The following ABCC11 variants were observed in gnomAD, a reference collection of about 807,000 sequenced individuals.
ABCC11 encodes ATP binding cassette subfamily C member 11.
Under a neutral mutation model 149.3 loss-of-function variants are expected in ABCC11, and 135 were observed. The observed-to-expected ratio is 0.90, with a 90% CI of 0.79 to 1.04. The LOEUF (loss-of-function observed/expected upper bound fraction) is 1.04, where lower values mean the gene tolerates loss of function less well. Ranked by LOEUF, ABCC11 falls within the 50% of genes least tolerant of loss-of-function variation. The pLI is 0.00. For missense variants in ABCC11, 1,680 were observed against 1,722.1 expected (o/e 0.98, Z 0.43); for synonymous variants, 665 against 671.4 (o/e 0.99, Z 0.15).
chr16:48,203,344 C>T lies in ABCC11; in HGVS notation c.1806-44G>A, dbSNP rs371819919. On this transcript the variant is annotated intron_variant, in intron 13 of 29. Coordinates refer to ENST00000356608, the MANE Select transcript of ABCC11 (RefSeq NM_001370497.1). ...CATAAGGCACAGGGGACCAGCCCTC[C>T]CGCCCATCACCCTTCCCAGTGTCGA... The T allele has an allele frequency of 3.4e-6, 5 of 1,486,844 alleles. No homozygotes were observed. In the African/African-American group the frequency reaches 5.6e-5, roughly 17 times the overall value. The allele number at this position is 1,486,844 out of a possible 1,614,324, so 92.1% of individuals were successfully genotyped here.
intron 2 of ABCC11, among the ~76,000 whole-genome samples, chr16:48,231,364 A>G (rs1970404800): frequency 6.6e-6 from 1 of 152,034 alleles, no homozygotes; most frequent in South Asian, 2.1e-4. Context: ...CCTGAGGTCT[A>G]TTTGAAAAAA....
rs1397053132 is a variant in ABCC11 at position 48,175,264 on chromosome 16, G to A, written c.3692C>T (p.Thr1231Ile). 1 of 1,610,474 alleles carries A rather than the reference G, an allele frequency of 6.2e-7. No individual in the cohort carries two copies. The highest frequency in any genetic ancestry group is 1.7e-5 in the Admixed American group (1 of 59,938). The change falls in exon 26 of 30, where the codon ACC (threonine) becomes ATC (isoleucine). Residue 1231 changes from threonine (T) to isoleucine (I), a missense_variant. Physicochemically the swap from Thr to Ile is moderately conservative, Grantham distance 89. Transcript: ENST00000356608. ...CTGCTGGCCCGGCACTCACCTGATG[G>A]TTCCTGAGAGCAGCACTGGATCTTG... is the stretch of plus-strand genomic sequence containing the variant. Reference protein sequence around the residue: ...IPQDPVLLSGTIRFNLDPFDR... With the variant: ...IPQDPVLLSGIIRFNLDPFDR...
intron 11 of ABCC11, 47 bp downstream of exon 11, chr16:48,210,901 C>T (rs745587228): frequency 3.3e-5 from 53 of 1,598,988 alleles, no homozygotes; most frequent in Non-Finnish European, 4.4e-5. Context: ...GCCTCAGGTC[C>T]TGAGAGCCTG....
rs200540970 is a variant in ABCC11 at position 48,167,313 on chromosome 16, G to A, written c.4110C>T (p.Phe1370=). The A allele has an allele frequency of 1.4e-4, 132 of 942,254 alleles. 1 individual carries two copies. The East Asian group carries it at 2.8e-3, about 20-fold the overall frequency. The allele number at this position is 942,254 out of a possible 1,614,324, so 58.4% of individuals were successfully genotyped here. A position where few individuals can be genotyped will look rare whatever the true frequency, so the allele number is the denominator to read the frequency against. The change falls in exon 30 of 30, where the codon TTC becomes TTT. Residue 1370 remains phenylalanine (F), a synonymous_variant. Transcript: ENST00000356608. ...EVLRKKPGSL[F]AALMATATSS... ...AAGTGGCTGTGGCCATGAGGGCTGC[G>A]AACAATGACCCAGGCTTCTTCCGCA...
chr16:48,231,880 A>C lies in ABCC11; in HGVS notation c.42T>G (p.Gly14=), dbSNP rs1443885521. ...KRTYWVPNSS[G]GLVNRGIDIG... ...TGTCGATGCCACGATTCACGAGGCC[A>C]CCAGAAGAGTTGGGCACCCAGTATG... Residue 14 remains glycine, a synonymous_variant, in exon 2 of 30, where the codon GGT becomes GGG. Transcript: ENST00000356608. The C allele has an allele frequency of 6.2e-7, 1 of 1,614,186 alleles. No homozygotes were observed. The highest frequency in any genetic ancestry group is 1.7e-5 in the Admixed American group (1 of 60,024).
At chr16:48,213,965 C>A (rs1969126850) in intron 9 of ABCC11, among the ~76,000 whole-genome samples, 1 of 152,132 alleles carries the variant, frequency 6.6e-6, no homozygotes, top group African/African-American at 2.4e-5. Flanking sequence ...TTCTTCTTTG[C>A]CTTAGATGTT....
Position 48,194,734 on chromosome 16 carries a change from C to A in ABCC11, c.2405-752G>T, listed in dbSNP as rs145657461. On this transcript the variant is annotated intron_variant, in intron 18 of 29. Coordinates refer to ENST00000356608, the MANE Select transcript of ABCC11 (RefSeq NM_001370497.1). ...ATTTATCCCCTCCAGGGATGGAGGA[C>A]ACAGCGTTCAAGGCGCCATCTTGGA... 9.2e-5 allele frequency among the ~76,000 whole-genome samples: 14 copies of A among 152,304 alleles called. No individual in the cohort carries two copies. The East Asian group carries it at 2.5e-3, about 27-fold the overall frequency.
rs931210935 is a variant in ABCC11 at position 48,196,158 on chromosome 16, G to C, written c.2404+74C>G. ...ACCTCTCTACTTCACATGACCTCAC[G>C]TGTTCCAATCTGACCCAGTTCCAGG... On this transcript the variant is annotated intron_variant, in intron 18 of 29. Transcript: ENST00000356608. 2.7e-6 allele frequency: 4 copies of C among 1,481,374 alleles called. No homozygotes were observed. The African/African-American group carries it at 5.6e-5, about 21-fold the overall frequency. The allele number at this position is 1,481,374 out of a possible 1,614,324, so 91.8% of individuals were successfully genotyped here.
rs766504392 is a variant in ABCC11 at position 48,208,404 on chromosome 16, A to C, written c.1680+21T>G. 3.1e-6 allele frequency: 5 copies of C among 1,613,966 alleles called. No homozygotes were observed. In the East Asian group the frequency reaches 8.9e-5, roughly 29 times the overall value. The stretch of plus-strand genomic sequence containing the variant: ...CTGGACTGCCTGCAGACAGGCAAGC[A>C]TGTGGCCACAGATCACTTACCTCCT... On this transcript the variant is annotated intron_variant, in intron 12 of 29. Transcript: ENST00000356608.
At chr16:48,198,454 C>G (rs1200730382) in intron 15 of ABCC11, among the ~76,000 whole-genome samples, 179 bp from the exon 16 acceptor site, 1 of 152,188 alleles carries the variant, frequency 6.6e-6, no homozygotes, top group African/African-American at 2.4e-5. Context: ...GCAAAAGGAA[C>G]TCTCCTTAAC....
chr16:48,205,491 T>C lies in ABCC11; in HGVS notation c.1727A>G (p.Tyr576Cys), dbSNP rs1434518730. ...GACGATCCAGGCCTGCTGGGGGACA[T>C]AGGCCAGGCTTCCCTGCACCCCCAC... ...GSVGVQGSLA[Y>C]VPQQAWIVSG... Residue 576 changes from tyrosine to cysteine, a missense_variant, in exon 13 of 30, where the codon TAT (tyrosine) becomes TGT (cysteine). Physicochemically the swap from Tyr to Cys is radical, Grantham distance 194. Coordinates refer to ENST00000356608, the MANE Select transcript of ABCC11 (RefSeq NM_001370497.1). 10 of 1,614,106 alleles carry C rather than the reference T, an allele frequency of 6.2e-6. 1 individual carries two copies. The Admixed American group carries it at 8.3e-5, about 13-fold the overall frequency.
At chr16:48,186,228 C>T (rs1330763630) in intron 22 of ABCC11, among the ~76,000 whole-genome samples, 1 of 152,162 alleles carries the variant, frequency 6.6e-6, no homozygotes, top group Non-Finnish European at 1.5e-5. Context: ...CAAGTCTTAC[C>T]CAGGCTTCAA....
At position 48,238,934 on chromosome 16, in the gene ABCC11, T is replaced by TAA. The variant is rs3048246; in HGVS notation, c.-18-6997_-18-6996dup. ...CCTGGGCGACAGAGGAGACTCTGTC[T>TAA]AAAAAAAAAAAAAAAAAAAAAAAAA... On this transcript the variant is annotated intron_variant, in intron 1 of 29. Transcript: ENST00000356608. 4.1e-3 allele frequency among the ~76,000 whole-genome samples: 167 copies of TAA among 40,296 alleles called. 3 individuals carry two copies. Among genetic ancestry groups the TAA allele is most frequent in the African/African-American group, 9.5e-3 (77 of 8,124 alleles). 26.4% of individuals were successfully genotyped at this position (40,296 alleles called of 152,430 possible).
At position 48,198,249 on chromosome 16, in the gene ABCC11, A is replaced by C. The variant is rs868018294; in HGVS notation, c.2109T>G (p.Ile703Met). The change falls in exon 16 of 30, where the codon ATT becomes ATG. Residue 703 changes from isoleucine (I) to methionine (M), a missense_variant. Transcript: ENST00000356608. ...LQYLEFCGQI[I>M]LLENGKICEN... ...CACAGATTTTCCCATTTTCCAACAA[A>C]ATGATCTGGCCACAAAATTCTAAGT... 3 of 1,614,242 alleles carry C rather than the reference A, an allele frequency of 1.9e-6. No homozygotes were observed. In the African/African-American group the frequency reaches 4.0e-5, roughly 22 times the overall value.
At position 48,170,946 on chromosome 16, in the gene ABCC11, G is replaced by T; in HGVS notation, c.3720C>A (p.Asp1240Glu). The stretch of plus-strand genomic sequence containing the variant: ...CCCAGATCTGCTGGTCAGTGTGACG[G>T]TCAAAGGGATCTAGGTTGAATCTAC... ...GTIRFNLDPF[D>E]RHTDQQIWDA... The change falls in exon 27 of 30, where the codon GAC becomes GAA. Residue 1240 changes from aspartate (D) to glutamate (E), a missense_variant. Physicochemically the swap from Asp to Glu is conservative, Grantham distance 45 (BLOSUM62 2). Coordinates refer to ENST00000356608, the MANE Select transcript of ABCC11 (RefSeq NM_001370497.1). 1 of 1,613,796 alleles carries T rather than the reference G, an allele frequency of 6.2e-7. No homozygotes were observed. The highest frequency in any genetic ancestry group is 2.2e-5 in the East Asian group (1 of 44,880).
chr16:48,177,248 T>C lies in ABCC11; in HGVS notation c.3349-135A>G, dbSNP rs1966142226. The stretch of plus-strand genomic sequence containing the variant: ...CTTGCGCCAAGGTCAAGCCCCCTGC[T>C]GTGTAATCAGAGGAACATCGCCCGT... On this transcript the variant is annotated intron_variant, in intron 24 of 29. Coordinates refer to ENST00000356608, the MANE Select transcript of ABCC11 (RefSeq NM_001370497.1). 15 of 866,880 alleles carry C rather than the reference T, an allele frequency of 1.7e-5. No homozygotes were observed. In the South Asian group the frequency reaches 2.7e-4, roughly 16 times the overall value. 53.7% of individuals were successfully genotyped at this position (866,880 alleles called of 1,614,324 possible). A position where few individuals can be genotyped will look rare whatever the true frequency, so the allele number is the denominator to read the frequency against.
At chr16:48,222,037 C>T (rs1969776873) in intron 6 of ABCC11, among the ~76,000 whole-genome samples, 1 of 151,706 alleles carries the variant, frequency 6.6e-6, no homozygotes, top group African/African-American at 2.4e-5. Flanking sequence ...ACCTCAGCCT[C>T]CTGAGTAGCT....
chr16:48,192,825 A>G, intron 19 of ABCC11, 108 bp from the exon 20 acceptor site: 1 of 1,179,738 alleles, frequency 8.5e-7, no homozygotes, highest in Non-Finnish European at 1.2e-6. Context: ...GTAGAAGGTG[A>G]AGCTGTTTGC....
Position 48,192,554 on chromosome 16 carries a change from G to A in ABCC11, c.2672C>T (p.Ala891Val), listed in dbSNP as rs771360166. Reference protein sequence around the residue: ...SGIFTKVTRKASTALHNKLFN... With the variant: ...SGIFTKVTRKVSTALHNKLFN... The stretch of plus-strand genomic sequence containing the variant: ...GAGCTTGTTGTGCAGGGCCGTGGAT[G>A]CCTTCCTCGTGACCTTGGTGAAAAT... Residue 891 changes from alanine to valine, a missense_variant, in exon 20 of 30, where the codon GCA becomes GTA. Ala to Val is a moderately conservative substitution (Grantham distance 64). Coordinates refer to ENST00000356608, the MANE Select transcript of ABCC11 (RefSeq NM_001370497.1). 1.9e-6 allele frequency: 3 copies of A among 1,614,254 alleles called. No individual in the cohort carries two copies. The East Asian group carries it at 6.7e-5, about 36-fold the overall frequency.
Sources: gnomAD v4.1 joint callset for allele counts (sites outside exome capture counted in the v4.1 genomes callset) on GRCh38, gnomAD v4.1.1 for gene constraint, MANE v1.5 for transcripts, NCBI Gene and HGNC (gene_info 2026-07-23, HGNC 2026-07-21) for gene names.